Variants in MEIOB observed in about 807,000 individuals in gnomAD.
The protein encoded by MEIOB is meiosis-specific with OB domain-containing protein.
MEIOB carries 50 observed loss-of-function variants against 53.1 expected under a neutral mutation model. The observed-to-expected ratio is 0.94, with a 90% confidence interval of 0.75 to 1.19. MEIOB has a LOEUF of 1.19. Ranked by LOEUF, MEIOB falls within the 50% of genes most tolerant of loss-of-function variation. The pLI is 0.00. For synonymous variants in MEIOB, 192 were observed against 182.5 expected (o/e 1.05, Z -0.42); for missense variants, 551 against 550.8 (o/e 1.00, Z 0.00).
intron 3 of MEIOB, among the ~76,000 whole-genome samples, chr16:1,865,569 G>A (rs387777): frequency 0.82 from 124,831 of 151,312 alleles, 51,624 homozygotes; most frequent in Middle Eastern, 0.9. Flanking sequence ...ATGTGTGTAT[G>A]TATACATATA....
In MEIOB at chr16:1,834,498, C is replaced by A. The variant is rs112720737; in HGVS notation, c.1306-132G>T. 156 of 552,076 alleles carry A rather than the reference C, an allele frequency of 2.8e-4. 1 individual carries two copies. The highest frequency in any genetic ancestry group is 2.6e-3 in the African/African-American group (134 of 51,970). The allele number at this position is 552,076 out of a possible 1,614,324, so 34.2% of individuals were successfully genotyped here. On this transcript the variant is annotated intron_variant, in intron 13 of 13. Coordinates refer to ENST00000325962, the MANE Select transcript of MEIOB (RefSeq NM_001163560.3). ...TGTTTACAGATACTAATATAAACTT[C>A]CATTAGAGCTGTAAGATGATGGGAA...
rs997075619 is a variant in MEIOB, at chr16:1,864,492, T to C, written c.127+1286A>G. Among the ~76,000 whole-genome samples, 13 of 149,974 alleles carry C rather than the reference T, an allele frequency of 8.7e-5. 1 individual carries two copies. Among genetic ancestry groups the C allele is most frequent in the Admixed American group, 4.6e-4 (7 of 15,100 alleles). ...TGTGAATTTCTTTTTCTTTTCTTTT[T>C]TTTTTTTTTTTTTGAGACAGAGTTT... On this transcript the variant is annotated intron_variant, in intron 3 of 13. Transcript: ENST00000325962.
intron 7 of MEIOB, among the ~76,000 whole-genome samples, chr16:1,853,830 T>C (rs886681674): frequency 3.3e-5 from 5 of 152,148 alleles, no homozygotes; most frequent in African/African-American, 4.8e-5. Context: ...TGGGACCTAA[T>C]AAAACATCAT....
chr16:1,856,564 C>A (rs1299873284), intron 6 of MEIOB, among the ~76,000 whole-genome samples: 1 of 152,226 alleles, frequency 6.6e-6, no homozygotes, highest in East Asian at 1.9e-4. Flanking sequence ...CGTGATCCTC[C>A]CGCCTCAGCC....
chr16:1,866,157 G>A (rs1899588552), intron 2 of MEIOB, among the ~76,000 whole-genome samples: 1 of 152,076 alleles, frequency 6.6e-6, no homozygotes, highest in African/African-American at 2.4e-5. Flanking sequence ...TTCATCCAAA[G>A]CACATGTATA....
chr16:1,857,647 G>A (rs1025916989), intron 6 of MEIOB, 88 bp downstream of exon 6: 3 of 992,770 alleles, frequency 3.0e-6, no homozygotes, highest in Non-Finnish European at 4.5e-6. Context: ...TACCCCAGCT[G>A]ATCGTGACCA....
intron 5 of MEIOB, among the ~76,000 whole-genome samples, chr16:1,858,372 GCA>G (rs1292163917): frequency 3.9e-5 from 6 of 152,104 alleles, no homozygotes; most frequent in Non-Finnish European, 8.8e-5. Context: ...CAGAACACTG[GCA>G]CAGTGAGCCC....
intron 4 of MEIOB, 125 bp from the exon 5 acceptor site, chr16:1,860,600 C>T: frequency 6.5e-6 from 4 of 611,756 alleles, no homozygotes; most frequent in Admixed American, 3.0e-5. Flanking sequence ...TTCCTCACCT[C>T]ATTCATCTTC....
At chr16:1,849,268 A>G (rs908636884) in intron 9 of MEIOB, among the ~76,000 whole-genome samples, 6 of 150,310 alleles carry the variant, frequency 4.0e-5, no homozygotes, top group Admixed American at 2.7e-4. Flanking sequence ...AAAATACAAA[A>G]AAGGCTGGGC....
In MEIOB at chr16:1,872,082, G is replaced by C. The variant is rs1342426527; in HGVS notation, c.-99C>G. Reference sequence around the variant, plus strand: ...GGCCCGCCCGACCCCCGGGTCGCCCGCGCTTCGCGGCTTCTCCACAGGACG... The same window carrying C: ...GGCCCGCCCGACCCCCGGGTCGCCCCCGCTTCGCGGCTTCTCCACAGGACG... On this transcript the variant is annotated 5_prime_UTR_variant, in exon 1 of 14. Transcript: ENST00000325962. 6.6e-6 allele frequency: 1 copy of C among 151,356 alleles called. No homozygotes were observed. The highest frequency in any genetic ancestry group is 2.0e-4 in the East Asian group (1 of 4,968). 9.4% of individuals were successfully genotyped at this position (151,356 alleles called of 1,614,324 possible). A position where few individuals can be genotyped will look rare whatever the true frequency, so the allele number is the denominator to read the frequency against.
At chr16:1,867,982 A>C (rs1899635945) in intron 2 of MEIOB, 125 bp downstream of exon 2, 2 of 538,864 alleles carry the variant, frequency 3.7e-6, no homozygotes, top group African/African-American at 1.9e-5. Context: ...CAATTATACC[A>C]ATGCAATGAG....
intron 10 of MEIOB, among the ~76,000 whole-genome samples, chr16:1,844,157 C>T (rs867175649): frequency 7.2e-4 from 102 of 142,290 alleles, no homozygotes; most frequent in African/African-American, 1.8e-3. Flanking sequence ...GGGTCTCGCT[C>T]TGTTGCCCAG....
intron 5 of MEIOB, 127 bp from the exon 6 acceptor site, chr16:1,858,057 T>C: frequency 1.6e-6 from 1 of 622,156 alleles, no homozygotes; most frequent in African/African-American, 1.9e-5. Flanking sequence ...TTTTTACTCT[T>C]AGAAACATTG....
intron 7 of MEIOB, 87 bp downstream of exon 7, chr16:1,854,013 T>G (rs1899237185): frequency 1.3e-6 from 1 of 750,494 alleles, no homozygotes; most frequent in East Asian, 2.7e-5. Context: ...TCTCTTGATA[T>G]GAAGTCCATC....
chr16:1,860,499 T>C (rs1899415032), intron 4 of MEIOB, 24 bp from the exon 5 acceptor site: 6 of 1,348,866 alleles, frequency 4.4e-6, no homozygotes, highest in Non-Finnish European at 6.2e-6. Flanking sequence ...CAAAGTATGA[T>C]GATATTACAA....
intron 3 of MEIOB, among the ~76,000 whole-genome samples, chr16:1,862,447 C>T (rs2150822493): frequency 6.6e-6 from 1 of 152,230 alleles, no homozygotes; most frequent in African/African-American, 2.4e-5. Context: ...CTCCTTTTCT[C>T]TCTTACTGTT....
At chr16:1,851,672 T>C (rs1255146432) in intron 9 of MEIOB, among the ~76,000 whole-genome samples, 1 of 152,174 alleles carries the variant, frequency 6.6e-6, no homozygotes, top group Admixed American at 6.5e-5. Context: ...AGTACTCATA[T>C]AAAAACCAGA....
intron 5 of MEIOB, 104 bp from the exon 6 acceptor site, chr16:1,858,034 T>C: frequency 1.5e-6 from 1 of 685,888 alleles, no homozygotes; most frequent in Non-Finnish European, 2.4e-6. Flanking sequence ...ATTTAGACAA[T>C]ACTAATATAT....
intron 10 of MEIOB, among the ~76,000 whole-genome samples, chr16:1,843,992 T>C (rs1305651605): frequency 6.6e-6 from 1 of 152,182 alleles, no homozygotes; most frequent in Non-Finnish European, 1.5e-5. Context: ...AAGATGGTGA[T>C]GTGTATCTAT....
Sources: allele counts gnomAD v4.1 joint callset (sites outside exome capture counted in the v4.1 genomes callset), GRCh38; gene constraint gnomAD v4.1.1; transcripts MANE v1.5; gene names NCBI Gene and HGNC (gene_info 2026-07-23, HGNC 2026-07-21).